The following DGKD variants were observed in gnomAD, a reference collection of about 807,000 sequenced individuals.
DGKD encodes DAG kinase delta.
DGKD carries 68 observed loss-of-function variants against 154.4 expected under a neutral mutation model. The observed-to-expected ratio is 0.44, with a 90% CI of 0.36 to 0.54. DGKD has a LOEUF of 0.54. Among genes scored for constraint, DGKD ranks in the 20% least tolerant of loss-of-function variants. The pLI, the probability that DGKD is intolerant of heterozygous loss-of-function variation, is 0.00. For missense variants in DGKD, 1,343 were observed against 1,593.6 expected (o/e 0.84, Z 2.68); for synonymous variants, 693 against 638.0 (o/e 1.09, Z -1.30).
chr2:233,447,815 C>T, intron 12 of DGKD: 1 of 1,254,994 alleles, frequency 8.0e-7, no homozygotes, highest in Non-Finnish European at 1.0e-6. Flanking sequence ...GCTCCTAGCA[C>T]AGGCCGTGCT....
intron 16 of DGKD, 48 bp from the exon 17 acceptor site, chr2:233,450,874 C>T (rs1334240325): frequency 6.4e-7 from 1 of 1,562,678 alleles, no homozygotes; most frequent in Admixed American, 1.7e-5. Context: ...CAGGATTTCA[C>T]AGTCTCTATT....
rs2063054130 is a variant in DGKD at position 233,445,888 on chromosome 2, C to T, written c.1334+126C>T. The T allele has an allele frequency of 8.1e-7, 1 of 1,232,506 alleles. No individual in the cohort carries two copies. The highest frequency in any genetic ancestry group is 1.1e-6 in the Non-Finnish European group (1 of 914,276). 76.3% of individuals were successfully genotyped at this position (1,232,506 alleles called of 1,614,324 possible). On this transcript the variant is annotated intron_variant, in intron 11 of 29. Coordinates refer to ENST00000264057, the MANE Select transcript of DGKD (RefSeq NM_152879.3). The surrounding 1 kb of genome is among the most constrained non-coding windows in gnomAD (Gnocchi z 5.5). ...TCTGAAATTATTTGTAAAGATTTGA[C>T]CTGAGTATATATTCGGATAGTCTTT...
intron 1 of DGKD, among the ~76,000 whole-genome samples, chr2:233,380,507 A>G (rs1476197592): frequency 6.6e-6 from 1 of 152,212 alleles, no homozygotes; most frequent in African/African-American, 2.4e-5. Flanking sequence ...ACGTGTTCCC[A>G]TATACCAGCC....
intron 3 of DGKD, among the ~76,000 whole-genome samples, chr2:233,431,394 T>A (rs1330320721): frequency 6.6e-6 from 1 of 152,226 alleles, no homozygotes; most frequent in African/African-American, 2.4e-5. Context: ...AAAATGTTCG[T>A]ATTACCCAAA....
At chr2:233,393,893 G>A (rs1249138231) in intron 3 of DGKD, among the ~76,000 whole-genome samples, 1 of 151,788 alleles carries the variant, frequency 6.6e-6, no homozygotes, top group Non-Finnish European at 1.5e-5. Flanking sequence ...TGTTGGCTAG[G>A]CTGGTCTCGA....
intron 2 of DGKD, 168 bp downstream of exon 2, chr2:233,388,535 A>G: frequency 1.8e-6 from 1 of 560,566 alleles, no homozygotes; most frequent in Non-Finnish European, 3.1e-6. Context: ...GTCTCAAGGC[A>G]TGTTTTATTT....
At position 233,418,358 on chromosome 2, in the gene DGKD, C is replaced by T. The variant is rs530362216; in HGVS notation, c.349-16022C>T. On this transcript the variant is annotated intron_variant, in intron 3 of 29. Transcript: ENST00000264057. ...ATAATATTCCCTTCCTGCCAGAGGCCCCCCCGCCAACCATGGCAGTCCCCA... is the reference window on the plus strand; with the variant it reads ...ATAATATTCCCTTCCTGCCAGAGGCTCCCCCGCCAACCATGGCAGTCCCCA... 4.6e-5 allele frequency among the ~76,000 whole-genome samples: 7 copies of T among 152,228 alleles called. No individual in the cohort carries two copies. The South Asian group carries it at 1.5e-3, about 32-fold the overall frequency.
At chr2:233,365,411 G>T (rs1017675136) in intron 1 of DGKD, among the ~76,000 whole-genome samples, 1 of 151,924 alleles carries the variant, frequency 6.6e-6, no homozygotes, top group African/African-American at 2.4e-5. Context: ...GCTAATTTTT[G>T]TATTTTTAAT....
intron 1 of DGKD, among the ~76,000 whole-genome samples, chr2:233,382,405 G>A (rs1452192144): frequency 6.6e-6 from 1 of 152,166 alleles, no homozygotes; most frequent in African/African-American, 2.4e-5. Context: ...TGTTTTACCT[G>A]CTTTTTTGTT....
intron 23 of DGKD, 107 bp from the exon 24 acceptor site, chr2:233,460,087 C>A (rs570822052): frequency 6.7e-7 from 1 of 1,498,930 alleles, no homozygotes; most frequent in Admixed American, 2.4e-5. Flanking sequence ...AAAAAAAGTC[C>A]TATTTGTCTC....
chr2:233,360,749 G>A (rs2125374612), intron 1 of DGKD, among the ~76,000 whole-genome samples: 1 of 152,270 alleles, frequency 6.6e-6, no homozygotes, highest in East Asian at 1.9e-4. Flanking sequence ...TCCAGTGTTG[G>A]TTTCTTTATA....
rs749508553 is a variant in DGKD at position 233,445,643 on chromosome 2, G to A, written c.1215G>A (p.Pro405=). The change falls in exon 11 of 30, where the codon CCG becomes CCA. Residue 405 remains proline (P), a synonymous_variant. Transcript: ENST00000264057. This position sits in a 1 kb window ranked among gnomAD's most constrained non-coding sequence, Gnocchi z 5.5. Reference sequence around the variant, plus strand: ...CTTAGTGTCAGCTGGGAGTGCTGCCGCTCGGCACAGGGAACGACTTGGCCC... The same window carrying A: ...CTTAGTGTCAGCTGGGAGTGCTGCCACTCGGCACAGGGAACGACTTGGCCC... The part of the protein sequence containing the change: ...LHKQCQLGVL[P]LGTGNDLARV... 1.4e-5 allele frequency: 23 copies of A among 1,610,516 alleles called. No individual in the cohort carries two copies. The highest frequency in any genetic ancestry group is 8.4e-5 in the Admixed American group (5 of 59,526).
chr2:233,434,340 C>T (rs1440805704), intron 3 of DGKD, 40 bp from the exon 4 acceptor site: 1 of 1,544,152 alleles, frequency 6.5e-7, no homozygotes, highest in African/African-American at 1.4e-5. Context: ...CAGCACTTGC[C>T]TTTTGTTCAT....
At chr2:233,377,481 C>T (rs1052775359) in intron 1 of DGKD, among the ~76,000 whole-genome samples, 2 of 152,060 alleles carry the variant, frequency 1.3e-5, no homozygotes, top group Non-Finnish European at 2.9e-5. Flanking sequence ...TTCCACAATC[C>T]TTGTATAGTT....
At chr2:233,434,088 A>G (rs764750461) in intron 3 of DGKD, among the ~76,000 whole-genome samples, 47 of 152,120 alleles carry the variant, frequency 3.1e-4, no homozygotes, top group Non-Finnish European at 1.5e-4. Flanking sequence ...TTCTTTTTTT[A>G]TTTCCTTAGG....
At chr2:233,367,856 T>TTC (rs1559474328) in intron 1 of DGKD, among the ~76,000 whole-genome samples, 15 of 116,978 alleles carry the variant, frequency 1.3e-4, no homozygotes, top group Admixed American at 1.6e-4. Flanking sequence ...TTTTTCTTTT[T>TTC]TTTTTTTTTT....
chr2:233,418,140 A>G (rs955989871), intron 3 of DGKD, among the ~76,000 whole-genome samples: 3 of 152,316 alleles, frequency 2.0e-5, no homozygotes, highest in South Asian at 2.1e-4. Flanking sequence ...GTCCATGACT[A>G]TGGGCCTGTG....
intron 1 of DGKD, among the ~76,000 whole-genome samples, chr2:233,387,912 C>A: frequency 6.6e-6 from 1 of 152,172 alleles, no homozygotes; most frequent in South Asian, 2.1e-4. Flanking sequence ...GGAGAATGCA[C>A]TGGCCCCGCG....
rs1238715454 is a variant in DGKD at position 233,452,019 on chromosome 2, G to A, written c.2223G>A (p.Leu741=). The part of the protein sequence containing the change: ...SLPGGSVISR[L]LINADPFNSE... ...CCGGTGGCTCAGTCATCAGTCGCCT[G>A]TTAATTAATGCTGATCCCTTCAACT... Residue 741 remains leucine, a synonymous_variant, in exon 18 of 30, where the codon CTG becomes CTA. Coordinates refer to ENST00000264057, the MANE Select transcript of DGKD (RefSeq NM_152879.3). This position sits in a 1 kb window ranked among gnomAD's most constrained non-coding sequence, Gnocchi z 4.0. The A allele has an allele frequency of 1.2e-6, 2 of 1,614,118 alleles. No homozygotes were observed. The highest frequency in any genetic ancestry group is 1.1e-5 in the South Asian group (1 of 91,082).
Sources: allele counts gnomAD v4.1 joint callset (sites outside exome capture counted in the v4.1 genomes callset), GRCh38; gene constraint gnomAD v4.1.1; non-coding constraint Gnocchi (gnomAD v3.1); transcripts MANE v1.5; gene names NCBI Gene and HGNC (gene_info 2026-07-23, HGNC 2026-07-21).